The following GNA15 variants were observed in gnomAD, a reference collection of about 807,000 sequenced individuals.
GNA15 encodes guanine nucleotide-binding protein subunit alpha-15.
In GNA15, 23 loss-of-function variants were observed where a neutral mutation model predicts 40.1. The ratio of observed to expected loss-of-function variants is 0.57; its 90% CI spans 0.41 to 0.81. The LOEUF is 0.81. Among genes scored for constraint, GNA15 ranks in the 40% least tolerant of loss-of-function variants. The pLI, the probability that GNA15 is intolerant of heterozygous loss-of-function variation, is 0.00. For missense variants in GNA15, 522 were observed against 515.8 expected (o/e 1.01, Z -0.12); for synonymous variants, 226 against 210.4 (o/e 1.07, Z -0.64).
chr19:3,145,359 A>ATTTTTTTTT (rs71179976), intron 1 of GNA15, among the ~76,000 whole-genome samples: 4 of 46,968 alleles, frequency 8.5e-5, no homozygotes, highest in African/African-American at 3.7e-4. Flanking sequence ...ATATATATAT[A>ATTTTTTTTT]TTTTTTTTTT....
intron 1 of GNA15, among the ~76,000 whole-genome samples, chr19:3,142,787 G>A (rs1211427003): frequency 6.6e-6 from 1 of 152,250 alleles, no homozygotes; most frequent in East Asian, 1.9e-4. Context: ...CAGGAGAATC[G>A]CTTGAACCTG....
At chr19:3,158,364 G>A (rs1280301204) in intron 6 of GNA15, among the ~76,000 whole-genome samples, 1 of 151,968 alleles carries the variant, frequency 6.6e-6, no homozygotes, top group Non-Finnish European at 1.5e-5. Context: ...ATGTTGACCA[G>A]GATAGTCTCG....
intron 5 of GNA15, among the ~76,000 whole-genome samples, chr19:3,156,451 T>C (rs565091251): frequency 2.1e-5 from 3 of 145,562 alleles, no homozygotes; most frequent in South Asian, 4.4e-4. Flanking sequence ...AGTACACACA[T>C]GCACACGCAC....
At position 3,136,306 on chromosome 19, in the gene GNA15, T is replaced by TG. The variant is rs1914456934; in HGVS notation, c.-139dup. 8.9e-6 allele frequency: 7 copies of TG among 785,476 alleles called. No individual in the cohort carries two copies. Among genetic ancestry groups the TG allele is most frequent in the Non-Finnish European group, 1.2e-5 (6 of 508,778 alleles). 48.7% of individuals were successfully genotyped at this position (785,476 alleles called of 1,614,324 possible). A position where few individuals can be genotyped will look rare whatever the true frequency, so the allele number is the denominator to read the frequency against. ...TTTCAGGCAAGGAAGTCTAGGTCCC[T>TG]GGGGGGTGACCCCCAAGGAAAAGGC... On this transcript the variant is annotated 5_prime_UTR_variant, in exon 1 of 7. Transcript: ENST00000262958. The surrounding 1 kb of genome is among the most constrained non-coding windows in gnomAD (Gnocchi z 4.9).
rs776693489 is a variant in GNA15 at position 3,155,615 on chromosome 19, C to T, written c.615-208C>T. ...GTAGAAGCTTGGGAAAGTCCCCGCT[C>T]CTCCCTGGATCTCAGGCTTCTCATC... On this transcript the variant is annotated intron_variant, in intron 4 of 6. Coordinates refer to ENST00000262958, the MANE Select transcript of GNA15 (RefSeq NM_002068.4). The surrounding 1 kb of genome is among the most constrained non-coding windows in gnomAD (Gnocchi z 5.6). 3.9e-5 allele frequency among the ~76,000 whole-genome samples: 6 copies of T among 152,182 alleles called. No individual in the cohort carries two copies. The highest frequency in any genetic ancestry group is 5.9e-5 in the Non-Finnish European group (4 of 68,028).
intron 6 of GNA15, among the ~76,000 whole-genome samples, chr19:3,161,825 G>C (rs1338896577): frequency 1.3e-5 from 2 of 152,146 alleles, no homozygotes. Context: ...TTTAGGTCAG[G>C]AGTTTGAGAC....
chr19:3,162,388 GA>G (rs34612768), intron 6 of GNA15, among the ~76,000 whole-genome samples: 7 of 148,300 alleles, frequency 4.7e-5, no homozygotes, highest in East Asian at 2.0e-4. Context: ...CCCATCTCAA[GA>G]AAAAAAAAAA....
rs774223240 is a variant in GNA15 at position 3,148,644 on chromosome 19, G to A, written c.199G>A (p.Gly67Ser). The part of the protein sequence containing the change: ...TFIKQMRIIH[G>S]AGYSEEERKG... Reference sequence around the variant, plus strand: ...CATCAAGCAGATGCGGATCATCCACGGCGCCGGCTACTCGGAGGAGGAGCG... The same window carrying A: ...CATCAAGCAGATGCGGATCATCCACAGCGCCGGCTACTCGGAGGAGGAGCG... Residue 67 changes from glycine (G) to serine (S), a missense_variant, in exon 2 of 7, where the codon GGC becomes AGC. Transcript: ENST00000262958. 1.9e-6 allele frequency: 3 copies of A among 1,588,850 alleles called. No homozygotes were observed. The highest frequency in any genetic ancestry group is 2.3e-5 in the East Asian group (1 of 43,744).
At chr19:3,147,748 G>A (rs1236344794) in intron 1 of GNA15, among the ~76,000 whole-genome samples, 11 of 151,352 alleles carry the variant, frequency 7.3e-5, no homozygotes, top group African/African-American at 2.2e-4. Flanking sequence ...TTAGCCGGGC[G>A]TGGTGGCGGG....
At chr19:3,156,222 A>G (rs1201161622) in intron 5 of GNA15, among the ~76,000 whole-genome samples, 1 of 151,494 alleles carries the variant, frequency 6.6e-6, no homozygotes, top group Admixed American at 6.6e-5. Flanking sequence ...ACACACGCAC[A>G]TACACAATGC....
At chr19:3,148,366 G>A (rs1914784774) in intron 1 of GNA15, among the ~76,000 whole-genome samples, 1 of 152,190 alleles carries the variant, frequency 6.6e-6, no homozygotes, top group South Asian at 2.1e-4. Flanking sequence ...GGGACTACAG[G>A]CATGAGCCAC....
intron 1 of GNA15, among the ~76,000 whole-genome samples, chr19:3,137,071 G>C (rs749544516): frequency 2.4e-4 from 37 of 152,242 alleles, no homozygotes; most frequent in Non-Finnish European, 4.4e-4. Context: ...TCCTTTGGGG[G>C]CTAGAAAGGA....
In GNA15 at chr19:3,162,909, C is replaced by T. The variant is rs1028072297; in HGVS notation, c.1015C>T (p.Leu339Phe). ...GSKKGARSRR[L>F]FSHYTCATDT... Reference sequence around the variant, plus strand: ...CAAGAAGGGCGCACGATCCCGACGCCTCTTCAGCCACTACACATGTGCCAC... The same window carrying T: ...CAAGAAGGGCGCACGATCCCGACGCTTCTTCAGCCACTACACATGTGCCAC... Residue 339 changes from leucine (L) to phenylalanine (F), a missense_variant, in exon 7 of 7, where the codon CTC becomes TTC. Coordinates refer to ENST00000262958, the MANE Select transcript of GNA15 (RefSeq NM_002068.4). The T allele has an allele frequency of 1.2e-6, 2 of 1,613,844 alleles. No homozygotes were observed. Among genetic ancestry groups the T allele is most frequent in the Non-Finnish European group, 1.7e-6 (2 of 1,179,860 alleles).
chr19:3,156,444 A>G (rs1455158085), intron 5 of GNA15, among the ~76,000 whole-genome samples: 1 of 149,910 alleles, frequency 6.7e-6, no homozygotes, highest in Non-Finnish European at 1.5e-5. Flanking sequence ...CACACACAGT[A>G]CACACATGCA....
intron 5 of GNA15, 88 bp from the exon 6 acceptor site, chr19:3,157,640 G>A: frequency 8.3e-7 from 1 of 1,210,696 alleles, no homozygotes; most frequent in Non-Finnish European, 1.2e-6. Flanking sequence ...CCATGCCCCT[G>A]GAGCCAACAG....
intron 4 of GNA15, among the ~76,000 whole-genome samples, chr19:3,154,867 G>A (rs1914975515): frequency 1.3e-5 from 2 of 152,114 alleles, no homozygotes; most frequent in Admixed American, 6.6e-5. Context: ...TGATTTTTAG[G>A]TGTGGCCCAG....
At chr19:3,138,163 G>A (rs1164243410) in intron 1 of GNA15, among the ~76,000 whole-genome samples, 1 of 152,130 alleles carries the variant, frequency 6.6e-6, no homozygotes, top group Non-Finnish European at 1.5e-5. Flanking sequence ...CTACTGGGGA[G>A]GCTGAGGCAG....
intron 5 of GNA15, among the ~76,000 whole-genome samples, chr19:3,156,738 C>T (rs1047714622): frequency 1.4e-4 from 21 of 151,860 alleles, no homozygotes; most frequent in Non-Finnish European, 2.8e-4. Context: ...CCTCGTGATC[C>T]GCCCGCCTCG....
chr19:3,147,050 C>T (rs902896937), intron 1 of GNA15, among the ~76,000 whole-genome samples: 6 of 152,216 alleles, frequency 3.9e-5, no homozygotes, highest in Admixed American at 2.6e-4. Flanking sequence ...TGACAGCCAC[C>T]TTCCGGCCTT....
Sources: gnomAD v4.1 joint callset for allele counts (sites outside exome capture counted in the v4.1 genomes callset) on GRCh38, gnomAD v4.1.1 for gene constraint, Gnocchi (gnomAD v3.1) non-coding constraint, MANE v1.5 for transcripts, NCBI Gene and HGNC (gene_info 2026-07-23, HGNC 2026-07-21) for gene names.